DIS3L2: variants seen among roughly 807,000 people sequenced by gnomAD.
DIS3L2 encodes the protein DIS3 like 3'-5' exoribonuclease 2, also known as DIS3-like exonuclease 2.
A neutral mutation model predicts 97.5 loss-of-function variants in DIS3L2; 34 were observed. The observed-to-expected ratio is 0.35, with a 90% CI of 0.27 to 0.46. The LOEUF is 0.46. Among genes scored for constraint, DIS3L2 ranks in the 20% least tolerant of loss-of-function variants. The pLI, the probability that DIS3L2 is intolerant of heterozygous loss-of-function variation, is 1.00. For synonymous variants in DIS3L2, 435 were observed against 445.2 expected (o/e 0.98, Z 0.29); for missense variants, 1,038 against 1,146.0 (o/e 0.91, Z 1.36).
chr2:232,330,848 G>C, intron 16 of DIS3L2, 72 bp downstream of exon 16: 1 of 1,419,868 alleles, frequency 7.0e-7, no homozygotes, highest in Non-Finnish European at 9.8e-7. Flanking sequence ...ACCTCCACGT[G>C]CAAGCACAGG....
rs1399915826 is a variant in DIS3L2, at chr2:232,163,525, G to T, written c.1017G>T (p.Glu339Asp). ...CTGAAACAGAAGGAATACTAACAGA[G>T]TATGGCGTGGATTTCTCTGATTTCT... is the stretch of plus-strand genomic sequence containing the variant. ...IEPETEGILT[E>D]YGVDFSDFSS... Residue 339 changes from glutamate to aspartate, a missense_variant, in exon 9 of 21, where the codon GAG becomes GAT. Glu to Asp is a conservative substitution (Grantham distance 45). Around this residue, in one of 3 missense-constraint regions of DIS3L2, gnomAD observed 813 missense variants for 880.1 expected, o/e 0.92. Coordinates refer to ENST00000325385, the MANE Select transcript of DIS3L2 (RefSeq NM_152383.5). 1 of 1,614,166 alleles carries T rather than the reference G, an allele frequency of 6.2e-7. No homozygotes were observed.
downstream of DIS3L2, chr2:232,339,662 G>A (rs1201326693): frequency 4.4e-6 from 2 of 455,260 alleles, no homozygotes; most frequent in African/African-American, 2.0e-5. Context: ...AGGATCTGCT[G>A]TGCCTGCAGC....
intron 6 of DIS3L2, among the ~76,000 whole-genome samples, chr2:232,095,614 T>C (rs1339571262): frequency 2.6e-5 from 4 of 152,214 alleles, no homozygotes; most frequent in Admixed American, 1.3e-4. Context: ...TACAGTGTTA[T>C]AATATTTCAG....
At chr2:232,104,988 T>G (rs549562367) in intron 6 of DIS3L2, among the ~76,000 whole-genome samples, 29 of 152,202 alleles carry the variant, frequency 1.9e-4, no homozygotes, top group African/African-American at 6.5e-4. Context: ...CAGCTAATTT[T>G]TGTATTTTTT....
chr2:232,001,492 T>A (rs1693901014), intron 1 of DIS3L2, among the ~76,000 whole-genome samples: 1 of 151,812 alleles, frequency 6.6e-6, no homozygotes, highest in South Asian at 2.1e-4. Context: ...TCTCATTCAT[T>A]GTCTCTTTGC....
chr2:232,109,861 A>G (rs1271162644), intron 6 of DIS3L2, among the ~76,000 whole-genome samples: 1 of 152,246 alleles, frequency 6.6e-6, no homozygotes, highest in African/African-American at 2.4e-5. Context: ...AAATTGACAA[A>G]TGGTATCTAA....
chr2:232,115,625 A>G (rs908817214), intron 6 of DIS3L2, among the ~76,000 whole-genome samples: 1 of 152,156 alleles, frequency 6.6e-6, no homozygotes, highest in Admixed American at 6.5e-5. Flanking sequence ...TGATTGGATC[A>G]TGGGGGCGGT....
chr2:232,172,866 A>G (rs1435915303), intron 9 of DIS3L2: 2 of 471,674 alleles, frequency 4.2e-6, no homozygotes, highest in Non-Finnish European at 8.4e-6. Context: ...TTCTGTCATG[A>G]CTAATGAGAC....
At chr2:232,307,312 A>G (rs930133803) in intron 14 of DIS3L2, among the ~76,000 whole-genome samples, 9 of 152,244 alleles carry the variant, frequency 5.9e-5, no homozygotes, top group African/African-American at 1.9e-4. Context: ...GAGCATGGCT[A>G]CTGAGGAGTC....
chr2:232,001,557 C>CTTTTTTTTTTTTTTTTTTTTTTTT (rs57766848), intron 1 of DIS3L2, among the ~76,000 whole-genome samples: 3 of 61,918 alleles, frequency 4.8e-5, no homozygotes, highest in African/African-American at 1.7e-4. Flanking sequence ...TGCCATTTGT[C>CTTTTTTTTTTTTTTTTTTTTTTTT]TTTTTTTTTT....
At chr2:232,135,493 T>C (rs759479586) in intron 7 of DIS3L2, among the ~76,000 whole-genome samples, 1 of 152,176 alleles carries the variant, frequency 6.6e-6, no homozygotes, top group Non-Finnish European at 1.5e-5. Context: ...CACAGCCTTC[T>C]TGAAAGAGGG....
At chr2:232,068,220 T>C (rs575409844) in intron 5 of DIS3L2, among the ~76,000 whole-genome samples, 1 of 152,224 alleles carries the variant, frequency 6.6e-6, no homozygotes, top group East Asian at 1.9e-4. Flanking sequence ...CAATATGTAC[T>C]TTACAGTATG....
At chr2:232,102,956 G>A (rs1187264481) in intron 6 of DIS3L2, among the ~76,000 whole-genome samples, 1 of 152,110 alleles carries the variant, frequency 6.6e-6, no homozygotes, top group Non-Finnish European at 1.5e-5. Flanking sequence ...GTCACACAAG[G>A]TGGTAGTAAA....
intron 1 of DIS3L2, among the ~76,000 whole-genome samples, chr2:231,981,826 G>A (rs1442694621): frequency 6.6e-6 from 1 of 151,022 alleles, no homozygotes; most frequent in Non-Finnish European, 1.5e-5. Flanking sequence ...TTGAGTCCAG[G>A]AGTTCAAGAC....
chr2:232,071,983 A>G (rs893906811), intron 5 of DIS3L2, among the ~76,000 whole-genome samples: 1 of 152,216 alleles, frequency 6.6e-6, no homozygotes, highest in African/African-American at 2.4e-5. Context: ...GCTTGTAAAA[A>G]GGTAAGTGAA....
intron 1 of DIS3L2, among the ~76,000 whole-genome samples, chr2:232,010,535 TAATC>T (rs931115139): frequency 2.4e-4 from 36 of 152,216 alleles, no homozygotes; most frequent in Non-Finnish European, 5.0e-4. Flanking sequence ...TTTTTTTTCT[TAATC>T]AATAGTCATC....
intron 1 of DIS3L2, among the ~76,000 whole-genome samples, chr2:232,003,460 A>G (rs1253242066): frequency 6.6e-6 from 1 of 152,222 alleles, no homozygotes; most frequent in African/African-American, 2.4e-5. Flanking sequence ...TGCATATAGA[A>G]TTGCAGATTA....
chr2:232,053,746 G>A (rs751923839), intron 5 of DIS3L2, among the ~76,000 whole-genome samples: 5 of 152,122 alleles, frequency 3.3e-5, no homozygotes, highest in Non-Finnish European at 7.3e-5. Context: ...CTCTATGGAG[G>A]GGCATGGAGC....
chr2:232,008,780 G>T (rs1254132526), intron 1 of DIS3L2, among the ~76,000 whole-genome samples: 1 of 152,178 alleles, frequency 6.6e-6, no homozygotes, highest in South Asian at 2.1e-4. Context: ...CTGATCAGTT[G>T]TGGGTTCAAA....
Sources: gnomAD v4.1 joint callset for allele counts (sites outside exome capture counted in the v4.1 genomes callset) on GRCh38, gnomAD v4.1.1 for gene constraint, gnomAD v4.1.1 regional missense constraint, MANE v1.5 for transcripts, NCBI Gene and HGNC (gene_info 2026-07-23, HGNC 2026-07-21) for gene names.